The following SGIP1 variants were observed in gnomAD, a reference collection of about 807,000 sequenced individuals.
SGIP1 encodes the protein SH3-containing GRB2-like protein 3-interacting protein 1.
In SGIP1, 38 loss-of-function variants were observed where a neutral mutation model predicts 107.5. The observed-to-expected ratio is 0.35, with a 90% confidence interval of 0.27 to 0.46. The LOEUF (loss-of-function observed/expected upper bound fraction) is 0.46, where lower values mean the gene tolerates loss of function less well. Among genes scored for constraint, SGIP1 ranks in the 20% least tolerant of loss-of-function variants. SGIP1 has a pLI of 1.00. For synonymous variants in SGIP1, 365 were observed against 366.1 expected, an observed-to-expected ratio of 1.00 and a Z score of 0.03; for missense variants, 929 against 1,019.5, an observed-to-expected ratio of 0.91 and a Z score of 1.21.
chr1:66,647,804 T>C (rs768517579), intron 7 of SGIP1, among the ~76,000 whole-genome samples: 2 of 152,206 alleles, frequency 1.3e-5, no homozygotes, highest in African/African-American at 2.4e-5. Context: ...GGCTGTTCCA[T>C]TGCTGAAAGA....
chr1:66,735,868 G>C (rs2094211607), intron 21 of SGIP1, among the ~76,000 whole-genome samples: 1 of 150,738 alleles, frequency 6.6e-6, no homozygotes, highest in Non-Finnish European at 1.5e-5. Flanking sequence ...GTGAGATCGT[G>C]TGGTATTGGT....
In SGIP1 at chr1:66,562,095, C is replaced by CA. The variant is rs568930272; in HGVS notation, c.10+27739dup. The stretch of plus-strand genomic sequence containing the variant: ...AATAGGTGTGGGAGTTTCTTTTAGC[C>CA]AAAAAAAAAAAATCTGGCTTTCATT... On this transcript the variant is annotated intron_variant, in intron 1 of 24. Coordinates refer to ENST00000371037, the MANE Select transcript of SGIP1 (RefSeq NM_032291.4). Among the ~76,000 whole-genome samples, 693 of 142,042 alleles carry CA rather than the reference C, an allele frequency of 4.9e-3. 3 individuals are homozygous for CA. The highest frequency in any genetic ancestry group is 0.013 in the African/African-American group (498 of 38,894). 93.2% of individuals were successfully genotyped at this position (142,042 alleles called of 152,430 possible). A position where few individuals can be genotyped will look rare whatever the true frequency, so the allele number is the denominator to read the frequency against.
chr1:66,589,287 A>G (rs1472384631), intron 1 of SGIP1, among the ~76,000 whole-genome samples: 1 of 144,874 alleles, frequency 6.9e-6, no homozygotes, highest in African/African-American at 2.5e-5. Flanking sequence ...AAAAGAATGA[A>G]TCAATTTAAT....
At chr1:66,654,296 G>A (rs1383634397) in intron 7 of SGIP1, among the ~76,000 whole-genome samples, 1 of 151,960 alleles carries the variant, frequency 6.6e-6, no homozygotes, top group Admixed American at 6.6e-5. Context: ...ATAATTTCCT[G>A]TTTCTTCCTC....
chr1:66,630,353 A>G (rs2073997042), intron 2 of SGIP1, among the ~76,000 whole-genome samples: 1 of 152,054 alleles, frequency 6.6e-6, no homozygotes, highest in South Asian at 2.1e-4. Flanking sequence ...GCTGTTCCCA[A>G]AGGCATCTCC....
intron 7 of SGIP1, 22 bp downstream of exon 7, chr1:66,643,741 G>T (rs749972811): frequency 6.3e-7 from 1 of 1,575,796 alleles, no homozygotes; most frequent in Non-Finnish European, 8.6e-7. Flanking sequence ...GTGTGTGTGT[G>T]TTAAGCTTTA....
intron 1 of SGIP1, among the ~76,000 whole-genome samples, chr1:66,564,557 T>G (rs560950664): frequency 1.3e-5 from 2 of 152,098 alleles, no homozygotes; most frequent in South Asian, 4.1e-4. Context: ...ATAGTTAGGA[T>G]GTCTGTGTCA....
At chr1:66,554,489 T>A (rs1006768944) in intron 1 of SGIP1, among the ~76,000 whole-genome samples, 1 of 152,026 alleles carries the variant, frequency 6.6e-6, no homozygotes, top group Non-Finnish European at 1.5e-5. Flanking sequence ...TGCCTTAAAA[T>A]GTGAAAATTT....
At chr1:66,544,939 C>T (rs900268967) in intron 1 of SGIP1, among the ~76,000 whole-genome samples, 1 of 152,108 alleles carries the variant, frequency 6.6e-6, no homozygotes, top group African/African-American at 2.4e-5. Context: ...CTATGTCTAC[C>T]AGGTAGCCAA....
intron 4 of SGIP1, among the ~76,000 whole-genome samples, chr1:66,637,527 GTTGT>G (rs2076030204): frequency 6.7e-6 from 1 of 149,514 alleles, no homozygotes; most frequent in Admixed American, 6.7e-5. Flanking sequence ...GTTATGATTT[GTTGT>G]TTGTTTTTAG....
rs765342462 is a variant in SGIP1 at position 66,642,878 on chromosome 1, AT to A, written c.283+21del. Reference sequence around the variant, plus strand: ...AGGAACCCGGCTATATCCTTTCTTTATTTTTTTATTTTAATTTTCATTCACT... The same window carrying A: ...AGGAACCCGGCTATATCCTTTCTTTATTTTTTATTTTAATTTTCATTCACT... On this transcript the variant is annotated intron_variant, in intron 6 of 24. Coordinates refer to ENST00000371037, the MANE Select transcript of SGIP1 (RefSeq NM_032291.4). 1,084 of 1,596,640 alleles carry A rather than the reference AT, an allele frequency of 6.8e-4. 1 individual carries two copies. In the Middle Eastern group the frequency reaches 9.8e-3, roughly 15 times the overall value.
At chr1:66,616,413 T>A (rs2069328646) in intron 1 of SGIP1, among the ~76,000 whole-genome samples, 3 of 152,040 alleles carry the variant, frequency 2.0e-5, no homozygotes, top group Admixed American at 1.3e-4. Flanking sequence ...GCAAGAAAAA[T>A]CTGCATAAAG....
chr1:66,717,847 A>G (rs1254736331), intron 18 of SGIP1, among the ~76,000 whole-genome samples: 1 of 152,204 alleles, frequency 6.6e-6, no homozygotes, highest in Non-Finnish European at 1.5e-5. Context: ...TGTGCAACAA[A>G]TAATGTTAAT....
At chr1:66,537,233 G>A (rs182768365) in intron 1 of SGIP1, among the ~76,000 whole-genome samples, 2 of 152,148 alleles carry the variant, frequency 1.3e-5, no homozygotes, top group African/African-American at 2.4e-5. Flanking sequence ...TTATCTTTTG[G>A]CAGTGGTTGG....
chr1:66,707,243 A>G (rs1235720739), intron 18 of SGIP1, among the ~76,000 whole-genome samples: 1 of 152,178 alleles, frequency 6.6e-6, no homozygotes, highest in Admixed American at 6.5e-5. Flanking sequence ...TTTCTAACCA[A>G]TAATAATAGA....
Position 66,682,357 on chromosome 1 carries a change from G to T in SGIP1, c.1303G>T (p.Gly435Trp). The change falls in exon 15 of 25, where the codon GGG (glycine) becomes TGG (tryptophan). Residue 435 changes from glycine (G) to tryptophan (W), a missense_variant. Gly to Trp is a radical substitution (Grantham distance 184). Around this residue, in one of 2 missense-constraint regions of SGIP1, gnomAD observed 588 missense variants for 588.6 expected, o/e 1.00. Coordinates refer to ENST00000371037, the MANE Select transcript of SGIP1 (RefSeq NM_032291.4). ...SPGPGSGPGP[G>W]TTSGASSPAR... is the part of the protein sequence containing the mutation. ...CGGACCTGGCTCGGGCCCTGGTCCG[G>T]GGACCACCAGTGGTATGTCTTATGC... 6.2e-7 allele frequency: 1 copy of T among 1,610,814 alleles called. No individual in the cohort carries two copies. The highest frequency in any genetic ancestry group is 8.5e-7 in the Non-Finnish European group (1 of 1,179,108).
At chr1:66,710,795 A>T (rs1453944971) in intron 18 of SGIP1, among the ~76,000 whole-genome samples, 1 of 152,204 alleles carries the variant, frequency 6.6e-6, no homozygotes, top group Non-Finnish European at 1.5e-5. Flanking sequence ...AGTCATTGTC[A>T]GTTTAGAATT....
intron 21 of SGIP1, among the ~76,000 whole-genome samples, chr1:66,734,276 G>C (rs546498463): frequency 6.6e-6 from 1 of 152,038 alleles, no homozygotes; most frequent in South Asian, 2.1e-4. Flanking sequence ...TGTTTTTCTA[G>C]TAAGATAGTC....
chr1:66,715,234 C>T (rs1406989976), intron 18 of SGIP1, among the ~76,000 whole-genome samples: 1 of 151,904 alleles, frequency 6.6e-6, no homozygotes, highest in African/African-American at 2.4e-5. Context: ...GATATGTAGA[C>T]CAAATAGCAA....
Sources: allele counts gnomAD v4.1 joint callset (sites outside exome capture counted in the v4.1 genomes callset), GRCh38; gene constraint gnomAD v4.1.1; regional missense constraint gnomAD v4.1.1; transcripts MANE v1.5; gene names NCBI Gene and HGNC (gene_info 2026-07-23, HGNC 2026-07-21).